Variants in CLDN10 observed in about 807,000 individuals in gnomAD.
The protein encoded by CLDN10 is claudin-10.
In CLDN10, 15 loss-of-function variants were observed where a neutral mutation model predicts 22.9. That is an observed-to-expected ratio of 0.65 (90% CI 0.44 to 1.01). The LOEUF (loss-of-function observed/expected upper bound fraction) is 1.01, where lower values mean the gene tolerates loss of function less well. CLDN10 is among the 50% of genes least tolerant of loss of function. The pLI is 0.00. For synonymous variants in CLDN10, 114 were observed against 111.4 expected, an observed-to-expected ratio of 1.02 and a Z score of -0.15; for missense variants, 247 against 287.8, an observed-to-expected ratio of 0.86 and a Z score of 1.03.
At chr13:95,470,623 C>A (rs970016720) in intron 1 of CLDN10, among the ~76,000 whole-genome samples, 7 of 152,102 alleles carry the variant, frequency 4.6e-5, no homozygotes, top group African/African-American at 1.7e-4. Flanking sequence ...GGGAAAGTCT[C>A]CATGGAACTC....
chr13:95,569,474 C>G (rs1351627951), intron 3 of CLDN10, among the ~76,000 whole-genome samples: 1 of 152,098 alleles, frequency 6.6e-6, no homozygotes, highest in African/African-American at 2.4e-5. Context: ...GTCCCAGCTA[C>G]TCAAGAGGCT....
At chr13:95,507,465 T>C (rs1362799442) in intron 1 of CLDN10, among the ~76,000 whole-genome samples, 1 of 152,112 alleles carries the variant, frequency 6.6e-6, no homozygotes, top group African/African-American at 2.4e-5. Flanking sequence ...CTGAAGGACA[T>C]AAACCTATTT....
rs149063661 is a variant in CLDN10 at position 95,576,518 on chromosome 13, GT to G, written c.465-712del. 2.5e-3 allele frequency among the ~76,000 whole-genome samples: 377 copies of G among 152,254 alleles called. 2 individuals carry two copies. Among genetic ancestry groups the G allele is most frequent in the African/African-American group, 8.6e-3 (359 of 41,532 alleles). On this transcript the variant is annotated intron_variant, in intron 3 of 4. Coordinates refer to ENST00000299339, the MANE Select transcript of CLDN10 (RefSeq NM_006984.5). ...ACTTTTCTCATTCCTTGTTCTCTGGGTGAATATATCTCCCCTGAAAGGATTT... is the reference window on the plus strand; with the variant it reads ...ACTTTTCTCATTCCTTGTTCTCTGGGGAATATATCTCCCCTGAAAGGATTT...
intron 1 of CLDN10, among the ~76,000 whole-genome samples, chr13:95,558,352 C>T (rs2043664006): frequency 6.6e-6 from 1 of 152,112 alleles, no homozygotes; most frequent in African/African-American, 2.4e-5. Context: ...CAGCGGAGAC[C>T]CAGATAGCCC....
chr13:95,526,140 C>T lies in CLDN10; in HGVS notation c.215-33992C>T, dbSNP rs556876761. ...CGAGAGAGTGTTTGTGTGCATTCTC[C>T]GAATGTTCTTTAGCTGTGCTTATCT... On this transcript the variant is annotated intron_variant, in intron 1 of 4. Transcript: ENST00000376873. Among the ~76,000 whole-genome samples the T allele has an allele frequency of 9.9e-5, 15 of 152,086 alleles. 1 individual carries two copies. Among genetic ancestry groups the T allele is most frequent in the Middle Eastern group, 6.8e-3 (2 of 294 alleles).
At chr13:95,523,828 G>A (rs2043247310) in intron 1 of CLDN10, among the ~76,000 whole-genome samples, 1 of 152,118 alleles carries the variant, frequency 6.6e-6, no homozygotes, top group Non-Finnish European at 1.5e-5. Context: ...TGTTGTTGGG[G>A]CTGTCTTGTG....
chr13:95,503,601 G>T (rs546433106), intron 1 of CLDN10, among the ~76,000 whole-genome samples: 33 of 152,262 alleles, frequency 2.2e-4, no homozygotes, highest in African/African-American at 7.7e-4. Context: ...AGTGTCCGTG[G>T]GTGGATGAAT....
intron 3 of CLDN10, among the ~76,000 whole-genome samples, chr13:95,573,874 CCT>C (rs1212664080): frequency 1.3e-5 from 2 of 151,244 alleles, no homozygotes; most frequent in Admixed American, 6.6e-5. Flanking sequence ...ATCCCTCCCT[CCT>C]CCCCCCACAA....
chr13:95,517,495 A>T (rs2043181937), intron 1 of CLDN10, among the ~76,000 whole-genome samples: 1 of 152,232 alleles, frequency 6.6e-6, no homozygotes, highest in African/African-American at 2.4e-5. Flanking sequence ...GTCCCAAACA[A>T]TGAAACTGGC....
chr13:95,446,440 C>T (rs770658620), intron 1 of CLDN10, among the ~76,000 whole-genome samples: 1 of 152,224 alleles, frequency 6.6e-6, no homozygotes, highest in Non-Finnish European at 1.5e-5. Context: ...CTCATCTCTG[C>T]CCTTAGATGT....
At chr13:95,521,320 T>C (rs543478688) in intron 1 of CLDN10, among the ~76,000 whole-genome samples, 64 of 152,354 alleles carry the variant, frequency 4.2e-4, no homozygotes, top group African/African-American at 1.5e-3. Context: ...TTTGGGGATG[T>C]GTATCTACTT....
intron 1 of CLDN10, among the ~76,000 whole-genome samples, chr13:95,556,940 A>G (rs1470028267): frequency 6.6e-6 from 1 of 152,242 alleles, no homozygotes; most frequent in Non-Finnish European, 1.5e-5. Flanking sequence ...CCTCCAACAG[A>G]GTTCATTAAT....
At chr13:95,500,146 A>G (rs966425642) in intron 1 of CLDN10, among the ~76,000 whole-genome samples, 4 of 152,194 alleles carry the variant, frequency 2.6e-5, no homozygotes, top group African/African-American at 9.6e-5. Context: ...AAATTTGAGA[A>G]TATATCCTCG....
At chr13:95,470,543 G>A (rs1479050043) in intron 1 of CLDN10, among the ~76,000 whole-genome samples, 1 of 152,130 alleles carries the variant, frequency 6.6e-6, no homozygotes, top group Admixed American at 6.5e-5. Flanking sequence ...CTAAGTCAAA[G>A]TTCAGTCTCT....
chr13:95,441,583 A>G (rs1170994260), intron 1 of CLDN10, among the ~76,000 whole-genome samples: 1 of 152,170 alleles, frequency 6.6e-6, no homozygotes, highest in Non-Finnish European at 1.5e-5. Context: ...AAGCACAAAC[A>G]TTTAGAGTAT....
At chr13:95,576,787 T>C (rs931825124) in intron 3 of CLDN10, among the ~76,000 whole-genome samples, 1 of 152,220 alleles carries the variant, frequency 6.6e-6, no homozygotes, top group African/African-American at 2.4e-5. Context: ...GATTTGCACA[T>C]AGCACGTGCT....
chr13:95,503,461 C>T (rs1202503715), intron 1 of CLDN10, among the ~76,000 whole-genome samples: 1 of 152,072 alleles, frequency 6.6e-6, no homozygotes, highest in Non-Finnish European at 1.5e-5. Context: ...AATAAAACTA[C>T]CGTATGATCT....
At chr13:95,433,840 A>G in exon 1 of CLDN10, 1 of 1,614,050 alleles carries the variant, frequency 6.2e-7, no homozygotes, top group African/African-American at 1.3e-5. Flanking sequence ...CGACATGTCC[A>G]GGGCGCAGAT....
intron 1 of CLDN10, among the ~76,000 whole-genome samples, chr13:95,499,662 A>T (rs2042964767): frequency 6.6e-6 from 1 of 152,190 alleles, no homozygotes; most frequent in South Asian, 2.1e-4. Context: ...CTGCCAGTGG[A>T]GGTGGAAGGT....
Sources: gnomAD v4.1 joint callset for allele counts (sites outside exome capture counted in the v4.1 genomes callset) on GRCh38, gnomAD v4.1.1 for gene constraint, MANE v1.5 for transcripts, NCBI Gene and HGNC (gene_info 2026-07-23, HGNC 2026-07-21) for gene names.